The following PARD3B variants were observed in gnomAD, a reference collection of about 807,000 sequenced individuals.
PARD3B encodes the protein partitioning defective 3 homolog B.
PARD3B carries 103 observed loss-of-function variants against 130.2 expected under a neutral mutation model. That is an observed-to-expected ratio of 0.79 (90% CI 0.67 to 0.93). The LOEUF is 0.93. Among genes scored for constraint, PARD3B ranks in the 40% least tolerant of loss-of-function variants. The probability of loss-of-function intolerance (pLI) is 0.00; values close to 1 mark genes in which losing one functional copy is unlikely to be tolerated. For synonymous variants in PARD3B, 583 were observed against 553.2 expected, an observed-to-expected ratio of 1.05 and a Z score of -0.76; for missense variants, 1,609 against 1,499.2, an observed-to-expected ratio of 1.07 and a Z score of -1.21.
At chr2:205,182,963 G>A (rs1270445814) in intron 13 of PARD3B, among the ~76,000 whole-genome samples, 4 of 152,126 alleles carry the variant, frequency 2.6e-5, no homozygotes, top group Non-Finnish European at 4.4e-5. Context: ...CTAGTCTAGG[G>A]ACAAAGAGGC....
rs1416483106 is a variant in PARD3B at position 205,183,868 on chromosome 2, G to A, written c.1925-1896G>A. Among the ~76,000 whole-genome samples the A allele has an allele frequency of 6.6e-6, 1 of 151,978 alleles. No individual in the cohort carries two copies. Among genetic ancestry groups the A allele is most frequent in the East Asian group, 1.9e-4 (1 of 5,168 alleles). ...GAGTCAGCAAGCTGGGGTTGCAGAA[G>A]AGTTGATGGTGCAGATTGAGTCTGA... On this transcript the variant is annotated intron_variant, in intron 13 of 22. Transcript: ENST00000406610. This position sits in a 1 kb window ranked among gnomAD's most constrained non-coding sequence, Gnocchi z 5.2.
chr2:204,640,666 G>T (rs535415648), intron 1 of PARD3B, among the ~76,000 whole-genome samples: 13 of 152,192 alleles, frequency 8.5e-5, no homozygotes, highest in African/African-American at 3.1e-4. Context: ...TCATTAACTT[G>T]CCTTCAGTAA....
At chr2:204,626,806 CTA>C (rs1178004526) in intron 1 of PARD3B, among the ~76,000 whole-genome samples, 1 of 151,972 alleles carries the variant, frequency 6.6e-6, no homozygotes, top group Non-Finnish European at 1.5e-5. Context: ...CCAACATTTT[CTA>C]TGATTTTTTT....
At chr2:204,801,190 C>T (rs1051914946) in intron 2 of PARD3B, among the ~76,000 whole-genome samples, 1 of 152,168 alleles carries the variant, frequency 6.6e-6, no homozygotes, top group African/African-American at 2.4e-5. Context: ...ATTGTCTTGG[C>T]TATATGGGCT....
chr2:204,545,808 C>G lies in PARD3B; in HGVS notation c.-192C>G. The stretch of plus-strand genomic sequence containing the variant: ...ACCCCTTTCCGCGGCCGCCCCTCCC[C>G]GATTCCCGCCACCTGCCGCCTGGCC... On this transcript the variant is annotated 5_prime_UTR_variant, in exon 1 of 23. Coordinates refer to ENST00000406610, the MANE Select transcript of PARD3B (RefSeq NM_001302769.2). 3 of 559,922 alleles carry G rather than the reference C, an allele frequency of 5.4e-6. No individual in the cohort carries two copies. The highest frequency in any genetic ancestry group is 7.0e-5 in the South Asian group (2 of 28,742). 34.7% of individuals were successfully genotyped at this position (559,922 alleles called of 1,614,324 possible). A position where few individuals can be genotyped will look rare whatever the true frequency, so the allele number is the denominator to read the frequency against.
intron 11 of PARD3B, among the ~76,000 whole-genome samples, chr2:205,168,792 C>A (rs1202547873): frequency 6.6e-6 from 1 of 151,632 alleles, no homozygotes; most frequent in Admixed American, 6.6e-5. Context: ...AGCATATTGT[C>A]CTCTCTGGTT....
At chr2:204,922,405 A>G (rs1317485960) in intron 2 of PARD3B, among the ~76,000 whole-genome samples, 1 of 152,186 alleles carries the variant, frequency 6.6e-6, no homozygotes, top group South Asian at 2.1e-4. Context: ...ACACTATCAC[A>G]TATGGTAGAG....
At chr2:205,042,444 C>T (rs1344327715) in intron 3 of PARD3B, among the ~76,000 whole-genome samples, 1 of 152,102 alleles carries the variant, frequency 6.6e-6, no homozygotes, top group Non-Finnish European at 1.5e-5. Context: ...GGTATAAGTC[C>T]TGAATGTCAG....
intron 4 of PARD3B, among the ~76,000 whole-genome samples, chr2:205,061,629 G>A (rs1367877327): frequency 6.6e-6 from 1 of 152,086 alleles, no homozygotes; most frequent in Non-Finnish European, 1.5e-5. Context: ...ATAGAAGTAA[G>A]TTGGAGAGTA....
At chr2:205,353,650 G>A (rs2044073831) in intron 18 of PARD3B, among the ~76,000 whole-genome samples, 1 of 152,142 alleles carries the variant, frequency 6.6e-6, no homozygotes. Context: ...TTTGTTTCAT[G>A]GATGACAAGA....
intron 18 of PARD3B, among the ~76,000 whole-genome samples, chr2:205,378,388 C>G (rs547476719): frequency 7.9e-5 from 12 of 152,236 alleles, no homozygotes; most frequent in African/African-American, 2.6e-4. Flanking sequence ...TCAGCCACCT[C>G]CCTAAGGGAA....
intron 2 of PARD3B, among the ~76,000 whole-genome samples, chr2:204,923,179 A>G (rs1385317678): frequency 1.3e-5 from 2 of 152,256 alleles, no homozygotes; most frequent in East Asian, 1.9e-4. Flanking sequence ...AGTATTGACA[A>G]TATCTGAATG....
intron 20 of PARD3B, among the ~76,000 whole-genome samples, 170 bp from the exon 21 acceptor site, chr2:205,499,725 GA>G (rs1466039312): frequency 3.3e-5 from 5 of 152,104 alleles, no homozygotes; most frequent in African/African-American, 1.2e-4. Context: ...GGCACGTAAA[GA>G]CCACTTTTTG....
At chr2:204,695,432 C>G (rs896412643) in intron 2 of PARD3B, among the ~76,000 whole-genome samples, 2 of 151,968 alleles carry the variant, frequency 1.3e-5, no homozygotes, top group Non-Finnish European at 2.9e-5. Flanking sequence ...TGTATTGATT[C>G]AGATCGTGCT....
intron 4 of PARD3B, among the ~76,000 whole-genome samples, chr2:205,066,985 T>C (rs2125471779): frequency 6.6e-6 from 1 of 151,192 alleles, no homozygotes; most frequent in South Asian, 2.1e-4. Context: ...TGAACAAAAC[T>C]GGGGGATCTA....
intron 21 of PARD3B, among the ~76,000 whole-genome samples, chr2:205,526,203 T>A (rs571629577): frequency 6.6e-6 from 1 of 152,332 alleles, no homozygotes; most frequent in Admixed American, 6.5e-5. Context: ...CATCTTTTTA[T>A]CCCTGTCCCT....
At chr2:204,744,860 G>A (rs1312324560) in intron 2 of PARD3B, among the ~76,000 whole-genome samples, 1 of 152,082 alleles carries the variant, frequency 6.6e-6, no homozygotes, top group Non-Finnish European at 1.5e-5. Flanking sequence ...TAGACCAAGA[G>A]GTACCACTCT....
chr2:205,391,758 A>T (rs1392247922), intron 18 of PARD3B, among the ~76,000 whole-genome samples: 1 of 152,206 alleles, frequency 6.6e-6, no homozygotes, highest in Admixed American at 6.5e-5. Context: ...CCCTGTTTGG[A>T]TCTGAAAATC....
chr2:205,114,654 T>C (rs1703896800), intron 6 of PARD3B, among the ~76,000 whole-genome samples: 1 of 152,090 alleles, frequency 6.6e-6, no homozygotes, highest in African/African-American at 2.4e-5. Flanking sequence ...TTCAATTCAG[T>C]CTGCCCTATA....
Sources: allele counts gnomAD v4.1 joint callset (sites outside exome capture counted in the v4.1 genomes callset), GRCh38; gene constraint gnomAD v4.1.1; non-coding constraint Gnocchi (gnomAD v3.1); transcripts MANE v1.5; gene names NCBI Gene and HGNC (gene_info 2026-07-23, HGNC 2026-07-21).